GPHN: variants seen among roughly 807,000 people sequenced by gnomAD.
The protein encoded by GPHN is gephyrin.
A neutral mutation model predicts 95.5 loss-of-function variants in GPHN; 17 were observed. The observed-to-expected ratio is 0.18, with a 90% CI of 0.12 to 0.27. The LOEUF (loss-of-function observed/expected upper bound fraction) is 0.27. Among genes scored for constraint, GPHN ranks in the 10% least tolerant of loss-of-function variants. The pLI is 1.00. For missense variants in GPHN, 660 were observed against 978.1 expected (o/e 0.67, Z 4.34); for synonymous variants, 320 against 322.5 (o/e 0.99, Z 0.08).
chr14:66,745,506 T>C (rs2058107364), intron 2 of GPHN, among the ~76,000 whole-genome samples: 1 of 152,044 alleles, frequency 6.6e-6, no homozygotes, highest in South Asian at 2.1e-4. Context: ...TATTTATAGA[T>C]TTTTTGATTC....
At chr14:66,536,747 T>TA in intron 1 of GPHN, among the ~76,000 whole-genome samples, 1 of 152,358 alleles carries the variant, frequency 6.6e-6, no homozygotes, top group East Asian at 1.9e-4. Context: ...TCTTTGGTGT[T>TA]AATGTTCTTT....
intron 13 of GPHN, 64 bp from the exon 14 acceptor site, chr14:67,110,076 C>T (rs989689179): frequency 2.8e-6 from 4 of 1,432,116 alleles, no homozygotes; most frequent in Admixed American, 3.4e-5. Context: ...AATTAACATC[C>T]TCTGCAGACT....
chr14:66,767,960 T>C (rs1480662291), intron 2 of GPHN, among the ~76,000 whole-genome samples: 2 of 151,908 alleles, frequency 1.3e-5, no homozygotes, highest in South Asian at 2.1e-4. Context: ...GTTTTACGAA[T>C]TGCCAACAAA....
chr14:66,720,551 C>T (rs1374290600), intron 2 of GPHN, among the ~76,000 whole-genome samples: 1 of 152,148 alleles, frequency 6.6e-6, no homozygotes, highest in Non-Finnish European at 1.5e-5. Flanking sequence ...CCAGTTTTTC[C>T]AGGGGGCCTT....
chr14:66,538,536 G>C (rs1479923239), intron 1 of GPHN, among the ~76,000 whole-genome samples: 1 of 151,068 alleles, frequency 6.6e-6, no homozygotes, highest in East Asian at 1.9e-4. Context: ...TTCTGTGCCA[G>C]GTTGAATAAC....
chr14:66,861,047 T>A (rs2063003623), intron 4 of GPHN, among the ~76,000 whole-genome samples: 1 of 151,952 alleles, frequency 6.6e-6, no homozygotes, highest in African/African-American at 2.4e-5. Flanking sequence ...AATAATAACA[T>A]TGAATTATAA....
intron 4 of GPHN, among the ~76,000 whole-genome samples, chr14:66,826,081 C>G (rs1173404813): frequency 6.6e-6 from 1 of 152,076 alleles, no homozygotes; most frequent in African/African-American, 2.4e-5. Flanking sequence ...TTGATATTTT[C>G]ATATTTTTTC....
At chr14:67,469,653 T>C in the GPHN span, among the ~76,000 whole-genome samples, 2 of 146,130 alleles carry the variant, frequency 1.4e-5, no homozygotes, top group Admixed American at 6.7e-5. Flanking sequence ...GGCCTGGTGG[T>C]GGTGGTGGTG....
At chr14:66,621,772 ATGTCCGGGTCATGC>A (rs974553503) in intron 1 of GPHN, among the ~76,000 whole-genome samples, 11 of 151,956 alleles carry the variant, frequency 7.2e-5, no homozygotes, top group African/African-American at 2.7e-4. Flanking sequence ...TCCATATCTC[ATGTCCGGGTCATGC>A]TGATGCAAGA....
At chr14:67,341,338 T>C in the GPHN span, among the ~76,000 whole-genome samples, 40 of 148,576 alleles carry the variant, frequency 2.7e-4, no homozygotes, top group African/African-American at 1.0e-3. Flanking sequence ...GTCTGAGAAG[T>C]GAGGAGACCC....
the GPHN span, among the ~76,000 whole-genome samples, chr14:67,688,439 G>A: frequency 6.6e-6 from 1 of 152,160 alleles, no homozygotes; most frequent in Non-Finnish European, 1.5e-5. Flanking sequence ...AGTTCCTTGT[G>A]CATGATACAT....
At chr14:67,592,016 T>C in the GPHN span, 1 of 153,372 alleles carries the variant, frequency 6.5e-6, no homozygotes, top group Admixed American at 6.4e-5. Context: ...AGACACACAA[T>C]AGTGTACAAT....
At chr14:67,279,006 C>T in the GPHN span, 31 of 626,524 alleles carry the variant, frequency 4.9e-5, no homozygotes, top group Non-Finnish European at 2.2e-5. Context: ...TCCCCCCCAT[C>T]TTTCCCCTTA....
rs8016084 is a variant in GPHN, at chr14:66,989,766, A to C, written c.963+24441A>C. ...AGCTGAATTTTCAGTTTCTCTCCTT[A>C]CCCTTTAATTCCTACTACCCAAGTA... On this transcript the variant is annotated intron_variant, in intron 9 of 22. Coordinates refer to ENST00000478722, the MANE Select transcript of GPHN (RefSeq NM_020806.5). Among the ~76,000 whole-genome samples the C allele has an allele frequency of 8.8e-3, 1,337 of 152,082 alleles. 14 individuals are homozygous for C. The highest frequency in any genetic ancestry group is 0.03 in the African/African-American group (1,264 of 41,494).
At chr14:67,567,139 C>G in the GPHN span, among the ~76,000 whole-genome samples, 1 of 112,890 alleles carries the variant, frequency 8.9e-6, no homozygotes, top group Non-Finnish European at 2.0e-5. Context: ...CATGATCACT[C>G]GTGTTCCGTG....
At chr14:66,561,084 G>C (rs1181343983) in intron 1 of GPHN, among the ~76,000 whole-genome samples, 1 of 152,148 alleles carries the variant, frequency 6.6e-6, no homozygotes, top group Non-Finnish European at 1.5e-5. Flanking sequence ...GCATCCCAGG[G>C]ATGAAGCCCA....
At chr14:66,744,503 C>G (rs192423916) in intron 2 of GPHN, among the ~76,000 whole-genome samples, 92 of 150,038 alleles carry the variant, frequency 6.1e-4, no homozygotes, top group Admixed American at 1.5e-3. Flanking sequence ...AGGCTACCTA[C>G]TTGTAAGTCT....
At position 66,824,580 on chromosome 14, in the gene GPHN, T is replaced by C; in HGVS notation, c.294+14T>C. ...GTCACTCCAGAGGTGAGATAGTACA[T>C]GCCTTTTCATATTCAAGGATTAAAC... On this transcript the variant is annotated intron_variant, in intron 4 of 22. Transcript: ENST00000478722. 1 of 1,148,480 alleles carries C rather than the reference T, an allele frequency of 8.7e-7. No homozygotes were observed. The highest frequency in any genetic ancestry group is 1.2e-5 in the South Asian group (1 of 81,652). The allele number at this position is 1,148,480 out of a possible 1,614,324, so 71.1% of individuals were successfully genotyped here.
At chr14:67,448,772 T>C in the GPHN span, among the ~76,000 whole-genome samples, 1 of 152,164 alleles carries the variant, frequency 6.6e-6, no homozygotes, top group South Asian at 2.1e-4. Flanking sequence ...GACAAATCCA[T>C]TAGAACAGAC....
Sources: gnomAD v4.1 joint callset for allele counts (sites outside exome capture counted in the v4.1 genomes callset) on GRCh38, gnomAD v4.1.1 for gene constraint, MANE v1.5 for transcripts, NCBI Gene and HGNC (gene_info 2026-07-23, HGNC 2026-07-21) for gene names.